The following AP2B1 variants were observed in gnomAD, a reference collection of about 807,000 sequenced individuals.
AP2B1 encodes adaptor related protein complex 2 subunit beta 1.
In AP2B1, 23 loss-of-function variants were observed where a neutral mutation model predicts 102.0. The observed-to-expected ratio is 0.23, with a 90% CI of 0.16 to 0.32. The LOEUF is 0.32. Among genes scored for constraint, AP2B1 ranks in the 10% least tolerant of loss-of-function variants. AP2B1 has a pLI of 1.00. For missense variants in AP2B1, 541 were observed against 1,157.4 expected (o/e 0.47, Z 7.73); for synonymous variants, 381 against 421.2 (o/e 0.90, Z 1.17).
chr17:35,654,072 T>C (rs2075157753), intron 13 of AP2B1, among the ~76,000 whole-genome samples: 2 of 152,032 alleles, frequency 1.3e-5, no homozygotes, highest in South Asian at 4.1e-4. Flanking sequence ...TTTTTACTTT[T>C]TTTTTTTGAG....
At chr17:35,673,266 A>G (rs2075629275) in intron 16 of AP2B1, among the ~76,000 whole-genome samples, 1 of 152,104 alleles carries the variant, frequency 6.6e-6, no homozygotes, top group Non-Finnish European at 1.5e-5. Flanking sequence ...GCTGGAGTGC[A>G]GTGGCGTGAT....
At position 35,725,682 on chromosome 17, in the gene AP2B1, T is replaced by C. The variant is rs1568078466; in HGVS notation, c.*1983T>C. Reference sequence around the variant, plus strand: ...AAAGCAGGTTGGTAAAGTTCCCTTCTTGGGACTTATTCCTGGAGTCAGTGG... The same window carrying C: ...AAAGCAGGTTGGTAAAGTTCCCTTCCTGGGACTTATTCCTGGAGTCAGTGG... On this transcript the variant is annotated 3_prime_UTR_variant, in exon 22 of 22. Transcript: ENST00000610402. The C allele has an allele frequency of 6.6e-6, 1 of 152,654 alleles. No individual in the cohort carries two copies. Among genetic ancestry groups the C allele is most frequent in the Non-Finnish European group, 1.5e-5 (1 of 68,084 alleles). The allele number at this position is 152,654 out of a possible 1,614,324, so 9.5% of individuals were successfully genotyped here. A position where few individuals can be genotyped will look rare whatever the true frequency, so the allele number is the denominator to read the frequency against.
intron 18 of AP2B1, among the ~76,000 whole-genome samples, chr17:35,707,025 A>C (rs949103667): frequency 6.6e-6 from 1 of 152,058 alleles, no homozygotes; most frequent in Non-Finnish European, 1.5e-5. Flanking sequence ...CTTATTTGAA[A>C]TAAGAATTCT....
chr17:35,708,200 A>G (rs1048331958), intron 18 of AP2B1, among the ~76,000 whole-genome samples: 5 of 152,208 alleles, frequency 3.3e-5, no homozygotes, highest in African/African-American at 1.2e-4. Flanking sequence ...AGAAAGAAAC[A>G]GGTATAGTTA....
intron 18 of AP2B1, among the ~76,000 whole-genome samples, chr17:35,692,894 G>A (rs1028523859): frequency 2.6e-5 from 4 of 152,110 alleles, no homozygotes; most frequent in African/African-American, 9.7e-5. Flanking sequence ...GGGAAAATCA[G>A]TGTGTACATG....
chr17:35,657,599 C>T lies in AP2B1; in HGVS notation c.1797C>T (p.Ser599=), dbSNP rs2075262005. The T allele has an allele frequency of 1.2e-6, 2 of 1,611,754 alleles. No individual in the cohort carries two copies. The highest frequency in any genetic ancestry group is 1.3e-5 in the African/African-American group (1 of 74,970). ...HRKHLPIHHG[S]TDAGDSPVGT... ...CCATTTTATGTGTATGTGACTTTAG[C>T]ACTGATGCAGGTGACAGCCCTGTTG... The change falls in exon 14 of 22, where the codon AGC becomes AGT. Residue 599 remains serine (S), a splice_region_variant and synonymous_variant. Coordinates refer to ENST00000610402, the MANE Select transcript of AP2B1 (RefSeq NM_001030006.2).
In AP2B1 at chr17:35,674,340, T is replaced by C; in HGVS notation, c.2324+19T>C. ...AAAATAGGTAAGCAATCTGGGTCCCTAGCTTGATGTTGAGACAACAGTTTG... is the reference window on the plus strand; with the variant it reads ...AAAATAGGTAAGCAATCTGGGTCCCCAGCTTGATGTTGAGACAACAGTTTG... On this transcript the variant is annotated intron_variant, in intron 17 of 21. Transcript: ENST00000610402. 1 of 1,613,256 alleles carries C rather than the reference T, an allele frequency of 6.2e-7. No homozygotes were observed. Among genetic ancestry groups the C allele is most frequent in the Non-Finnish European group, 8.5e-7 (1 of 1,179,366 alleles).
chr17:35,598,124 T>C, intron 2 of AP2B1, 106 bp from the exon 3 acceptor site: 2 of 472,848 alleles, frequency 4.2e-6, no homozygotes, highest in Non-Finnish European at 7.5e-6. Flanking sequence ...TAAAATCTTA[T>C]TTTAGTTGCT....
intron 9 of AP2B1, among the ~76,000 whole-genome samples, chr17:35,635,486 G>A (rs2074581537): frequency 6.6e-6 from 1 of 152,094 alleles, no homozygotes. Flanking sequence ...CTGGATTCAA[G>A]CAATTCTCTG....
At chr17:35,712,067 G>C (rs1402899574) in intron 20 of AP2B1, among the ~76,000 whole-genome samples, 1 of 152,164 alleles carries the variant, frequency 6.6e-6, no homozygotes, top group Non-Finnish European at 1.5e-5. Context: ...GGTGTTTGAA[G>C]CATGGTCTTC....
chr17:35,707,958 G>C (rs1468612368), intron 18 of AP2B1, among the ~76,000 whole-genome samples: 1 of 152,188 alleles, frequency 6.6e-6, no homozygotes, highest in African/African-American at 2.4e-5. Flanking sequence ...CTGGGAGAGA[G>C]AACGCAAATA....
chr17:35,685,537 A>G (rs72828093), intron 18 of AP2B1, among the ~76,000 whole-genome samples: 23,749 of 151,630 alleles, frequency 0.16, 1,962 homozygotes, highest in East Asian at 0.29. Flanking sequence ...TAAAATTGGG[A>G]AAAAAAAATG....
intron 1 of AP2B1, among the ~76,000 whole-genome samples, chr17:35,591,357 GAGA>G (rs909889008): frequency 1.3e-4 from 19 of 151,976 alleles, no homozygotes; most frequent in Non-Finnish European, 2.5e-4. Context: ...ATTTTTATTA[GAGA>G]CGGAGTTTCG....
At chr17:35,593,622 T>C (rs1031315075) in intron 1 of AP2B1, among the ~76,000 whole-genome samples, 1 of 152,168 alleles carries the variant, frequency 6.6e-6, no homozygotes, top group Non-Finnish European at 1.5e-5. Context: ...CTTCAGAATA[T>C]ATGTTTTGGA....
chr17:35,683,467 C>T (rs587737147), intron 18 of AP2B1, among the ~76,000 whole-genome samples: 1 of 152,224 alleles, frequency 6.6e-6, no homozygotes, highest in South Asian at 2.1e-4. Context: ...GAACATTGGA[C>T]CACAGGTAGC....
In AP2B1 at chr17:35,613,766, A is replaced by G. The variant is rs188259607; in HGVS notation, c.525+5379A>G. Among the ~76,000 whole-genome samples the G allele has an allele frequency of 1.1e-4, 17 of 152,342 alleles. No homozygotes were observed. In the East Asian group the frequency reaches 3.3e-3, roughly 29 times the overall value. The stretch of plus-strand genomic sequence containing the variant: ...GGCAGAGGTTAACATTATTGCTACA[A>G]TATTAATTTAAAAGGTTCTGATTCC... On this transcript the variant is annotated intron_variant, in intron 5 of 21. Coordinates refer to ENST00000610402, the MANE Select transcript of AP2B1 (RefSeq NM_001030006.2).
rs781009991 is a variant in AP2B1 at position 35,657,710 on chromosome 17, C to T, written c.1908C>T (p.Leu636=). The T allele has an allele frequency of 2.8e-5, 45 of 1,614,040 alleles. No individual in the cohort carries two copies. In the Admixed American group the frequency reaches 3.0e-4, roughly 11 times the overall value. The change falls in exon 14 of 22, where the codon CTC becomes CTT. Residue 636 remains leucine (L), a synonymous_variant. Transcript: ENST00000610402. ...DLLGDLLNLD[L]GPPVNVPQVS... ...TAGGGGATCTTTTAAACCTTGACCTCGGTCCCCCAGTCAATGTGCCACAGG... is the reference window on the plus strand; with the variant it reads ...TAGGGGATCTTTTAAACCTTGACCTTGGTCCCCCAGTCAATGTGCCACAGG...
intron 5 of AP2B1, among the ~76,000 whole-genome samples, chr17:35,616,746 AC>A (rs77822162): frequency 0.024 from 3,659 of 152,182 alleles, 132 homozygotes; most frequent in East Asian, 0.19. Context: ...GCATCAGTCT[AC>A]TCTGTTTGAA....
At chr17:35,621,049 A>G (rs1490870037) in intron 5 of AP2B1, among the ~76,000 whole-genome samples, 1 of 152,180 alleles carries the variant, frequency 6.6e-6, no homozygotes, top group Non-Finnish European at 1.5e-5. Flanking sequence ...TAAGGGTTGG[A>G]TTTGTTCTTT....
Sources: gnomAD v4.1 joint callset for allele counts (sites outside exome capture counted in the v4.1 genomes callset) on GRCh38, gnomAD v4.1.1 for gene constraint, MANE v1.5 for transcripts, NCBI Gene and HGNC (gene_info 2026-07-23, HGNC 2026-07-21) for gene names.